SNX24: variants seen among roughly 807,000 people sequenced by gnomAD.
SNX24 encodes the protein sorting nexin-24.
In SNX24, 22 loss-of-function variants were observed where a neutral mutation model predicts 28.7. That is an observed-to-expected ratio of 0.77 (90% confidence interval 0.55 to 1.10). The LOEUF (loss-of-function observed/expected upper bound fraction) is 1.10, where lower values mean the gene tolerates loss of function less well. SNX24 is among the 50% of genes least tolerant of loss of function. The pLI is 0.00. For synonymous variants in SNX24, 69 were observed against 71.5 expected, an observed-to-expected ratio of 0.96 and a Z score of 0.18; for missense variants, 221 against 201.1, an observed-to-expected ratio of 1.10 and a Z score of -0.60.
At chr5:122,885,379 C>G (rs1756659728) in intron 1 of SNX24, among the ~76,000 whole-genome samples, 1 of 152,178 alleles carries the variant, frequency 6.6e-6, no homozygotes, top group South Asian at 2.1e-4. Context: ...CCAGGCCCCT[C>G]CTGTGTTCCA....
intron 1 of SNX24, among the ~76,000 whole-genome samples, chr5:122,907,258 T>G (rs1757681414): frequency 6.6e-6 from 1 of 152,186 alleles, no homozygotes; most frequent in African/African-American, 2.4e-5. Flanking sequence ...TTCTCATATC[T>G]ATTTGTGACG....
At chr5:122,871,660 C>T (rs796814690) in intron 1 of SNX24, among the ~76,000 whole-genome samples, 31 of 152,208 alleles carry the variant, frequency 2.0e-4, no homozygotes, top group African/African-American at 6.7e-4. Flanking sequence ...ATCCCAGCTA[C>T]TCGGGAGGCT....
chr5:122,958,073 G>A (rs935697279), intron 3 of SNX24, among the ~76,000 whole-genome samples: 2 of 152,042 alleles, frequency 1.3e-5, no homozygotes, highest in Non-Finnish European at 2.9e-5. Context: ...GAATAGAAAT[G>A]GGGAAAACAG....
intron 1 of SNX24, among the ~76,000 whole-genome samples, chr5:122,873,901 G>A (rs1345530189): frequency 6.6e-5 from 10 of 151,900 alleles, no homozygotes; most frequent in Non-Finnish European, 1.3e-4. Flanking sequence ...GAGTAGCTGG[G>A]GTTACAGGCA....
intron 3 of SNX24, among the ~76,000 whole-genome samples, chr5:122,952,065 T>C (rs1759967625): frequency 6.6e-6 from 1 of 152,230 alleles, no homozygotes; most frequent in African/African-American, 2.4e-5. Flanking sequence ...TGACTAAAAC[T>C]ACCTTCAAGC....
At chr5:122,971,783 T>C (rs1212784872) in intron 3 of SNX24, among the ~76,000 whole-genome samples, 1 of 152,204 alleles carries the variant, frequency 6.6e-6, no homozygotes, top group Non-Finnish European at 1.5e-5. Flanking sequence ...ATGCAACTGG[T>C]CATGTGATCA....
At chr5:122,909,014 C>CT (rs563541500) in intron 1 of SNX24, among the ~76,000 whole-genome samples, 9 of 151,522 alleles carry the variant, frequency 5.9e-5, no homozygotes, top group Non-Finnish European at 1.2e-4. Flanking sequence ...CACTGTGTAT[C>CT]TTTTTTTTTC....
intron 1 of SNX24, among the ~76,000 whole-genome samples, chr5:122,922,224 A>C (rs866940881): frequency 6.6e-6 from 1 of 152,148 alleles, no homozygotes; most frequent in African/African-American, 2.4e-5. Context: ...TTAAAGTATC[A>C]GGCAGGTTTT....
intron 1 of SNX24, chr5:122,853,654 A>C (rs964103000): frequency 2.7e-6 from 1 of 374,668 alleles, no homozygotes; most frequent in Non-Finnish European, 5.4e-6. Context: ...TATGTATTTT[A>C]AAAAATTTTT....
chr5:122,855,043 A>C (rs1755119943), intron 1 of SNX24, among the ~76,000 whole-genome samples: 1 of 151,746 alleles, frequency 6.6e-6, no homozygotes, highest in Non-Finnish European at 1.5e-5. Flanking sequence ...TGGTTGCAAA[A>C]GGTTGGTGGC....
chr5:122,945,510 A>C (rs892977334), intron 2 of SNX24, among the ~76,000 whole-genome samples: 4 of 152,230 alleles, frequency 2.6e-5, no homozygotes, highest in African/African-American at 9.6e-5. Context: ...TTCAGTTTTC[A>C]TGAATGGAGT....
intron 3 of SNX24, among the ~76,000 whole-genome samples, chr5:122,954,729 A>T (rs75154297): frequency 2.0e-4 from 2 of 9,794 alleles, no homozygotes; most frequent in Non-Finnish European, 2.7e-4. Context: ...TCTGATTTTT[A>T]AAAAAAAATC....
chr5:122,992,700 C>T (rs1008341365), intron 3 of SNX24, among the ~76,000 whole-genome samples: 3 of 152,216 alleles, frequency 2.0e-5, no homozygotes, highest in Admixed American at 2.0e-4. Flanking sequence ...ATTTCACATT[C>T]ATTGCTGTGA....
At chr5:123,004,724 C>G (rs747969694) in intron 6 of SNX24, among the ~76,000 whole-genome samples, 1 of 152,176 alleles carries the variant, frequency 6.6e-6, no homozygotes, top group Non-Finnish European at 1.5e-5. Flanking sequence ...CCCTGGAATT[C>G]TTTCTGGGCC....
chr5:122,872,115 C>G (rs938622287), intron 1 of SNX24, among the ~76,000 whole-genome samples: 2 of 148,748 alleles, frequency 1.3e-5, no homozygotes, highest in African/African-American at 5.0e-5. Context: ...TTCCTTTCAT[C>G]TAGTATGAGA....
intron 2 of SNX24, among the ~76,000 whole-genome samples, chr5:122,941,155 C>A (rs1025854028): frequency 3.3e-5 from 5 of 152,200 alleles, no homozygotes; most frequent in African/African-American, 9.6e-5. Context: ...CATGATAACA[C>A]TGAGCCCACA....
intron 3 of SNX24, among the ~76,000 whole-genome samples, chr5:122,954,676 C>T (rs766377343): frequency 6.6e-6 from 1 of 152,030 alleles, no homozygotes; most frequent in Non-Finnish European, 1.5e-5. Flanking sequence ...TGTCTTTCAG[C>T]ACTTGCAAAA....
intron 1 of SNX24, among the ~76,000 whole-genome samples, chr5:122,868,253 A>G (rs967943236): frequency 7.2e-5 from 11 of 152,156 alleles, no homozygotes; most frequent in Admixed American, 6.5e-4. Context: ...TTCATCTCAT[A>G]TATACTATTT....
chr5:122,940,622 A>T (rs538564786), intron 2 of SNX24, among the ~76,000 whole-genome samples: 64 of 152,286 alleles, frequency 4.2e-4, no homozygotes, highest in Admixed American at 2.1e-3. Flanking sequence ...CCCAGGCTGG[A>T]GTGCAGTGGT....
Sources: allele counts gnomAD v4.1 joint callset (sites outside exome capture counted in the v4.1 genomes callset), GRCh38; gene constraint gnomAD v4.1.1; transcripts MANE v1.5; gene names NCBI Gene and HGNC (gene_info 2026-07-23, HGNC 2026-07-21).